Variants in NRXN3 observed in about 807,000 individuals in gnomAD.
NRXN3 encodes neurexin 3, also known as neurexin III.
NRXN3 carries 32 observed loss-of-function variants against 137.6 expected under a neutral mutation model. The observed-to-expected ratio is 0.23, with a 90% CI of 0.18 to 0.31. The LOEUF (loss-of-function observed/expected upper bound fraction) is 0.31. Ranked by LOEUF, NRXN3 falls within the 10% of genes least tolerant of loss-of-function variation. The probability of loss-of-function intolerance (pLI) is 1.00; values close to 1 mark genes in which losing one functional copy is unlikely to be tolerated. For missense variants in NRXN3, 1,574 were observed against 2,062.5 expected, an observed-to-expected ratio of 0.76 and a Z score of 4.59; for synonymous variants, 798 against 784.5, an observed-to-expected ratio of 1.02 and a Z score of -0.29.
chr14:79,240,144 T>G (rs963586788), intron 15 of NRXN3, among the ~76,000 whole-genome samples: 28 of 152,204 alleles, frequency 1.8e-4, no homozygotes, highest in Non-Finnish European at 1.5e-4. Context: ...AACATCACTG[T>G]GTACCATACA....
chr14:78,869,605 C>G (rs1476066164), intron 10 of NRXN3, among the ~76,000 whole-genome samples: 1 of 152,090 alleles, frequency 6.6e-6, no homozygotes, highest in Non-Finnish European at 1.5e-5. Flanking sequence ...TGCCTCCATA[C>G]CTTTTCCTCT....
intron 19 of NRXN3, among the ~76,000 whole-genome samples, chr14:79,716,937 CTTAGCTTATTTCAGTTCT>C (rs1320752624): frequency 6.6e-6 from 1 of 152,198 alleles, no homozygotes. Context: ...TGCCTCCAAA[CTTAGCTTATTTCAGTTCT>C]TTGCCCAGAT....
chr14:79,850,244 T>G (rs982613177), intron 20 of NRXN3, among the ~76,000 whole-genome samples: 3 of 152,198 alleles, frequency 2.0e-5, no homozygotes, highest in Non-Finnish European at 4.4e-5. Context: ...GCACGAAGAC[T>G]GTTGAGATGG....
At chr14:79,280,113 T>C (rs1229521570) in intron 15 of NRXN3, 23 of 1,416,190 alleles carry the variant, frequency 1.6e-5, no homozygotes, top group Non-Finnish European at 1.8e-5. Flanking sequence ...TTTTTTTCTT[T>C]CTTTAAGTAG....
intron 10 of NRXN3, among the ~76,000 whole-genome samples, chr14:78,847,088 A>G (rs1233986306): frequency 6.6e-6 from 1 of 152,066 alleles, no homozygotes; most frequent in East Asian, 1.9e-4. Flanking sequence ...TTCTTTCAGC[A>G]CACCTTCCGT....
At chr14:79,104,438 T>C (rs2051970119) in intron 15 of NRXN3, among the ~76,000 whole-genome samples, 1 of 152,154 alleles carries the variant, frequency 6.6e-6, no homozygotes, top group Admixed American at 6.6e-5. Context: ...CACAGTGGAC[T>C]TCCAGCCCAC....
chr14:79,300,428 T>A (rs1329074434), intron 15 of NRXN3, among the ~76,000 whole-genome samples: 1 of 152,098 alleles, frequency 6.6e-6, no homozygotes, highest in African/African-American at 2.4e-5. Context: ...GCTTGGATGA[T>A]CTCACATGAG....
intron 10 of NRXN3, among the ~76,000 whole-genome samples, chr14:78,856,673 A>G (rs2099057989): frequency 6.6e-6 from 1 of 151,928 alleles, no homozygotes; most frequent in Non-Finnish European, 1.5e-5. Context: ...TGCCCTGTTG[A>G]GTGTCTTATG....
At chr14:79,548,318 T>G (rs980186506) in intron 16 of NRXN3, among the ~76,000 whole-genome samples, 1 of 152,182 alleles carries the variant, frequency 6.6e-6, no homozygotes, top group Non-Finnish European at 1.5e-5. Context: ...GTTAGTTTGC[T>G]GAGAATGATG....
At chr14:79,307,893 G>A (rs532482362) in intron 15 of NRXN3, among the ~76,000 whole-genome samples, 1 of 151,630 alleles carries the variant, frequency 6.6e-6, no homozygotes, top group South Asian at 2.1e-4. Context: ...AGTACCAGTG[G>A]CTTAAACAAC....
chr14:78,755,519 G>A lies in NRXN3; in HGVS notation c.2044+40380G>A, dbSNP rs143867982. Among the ~76,000 whole-genome samples, 677 of 152,214 alleles carry A rather than the reference G, an allele frequency of 4.4e-3. 4 individuals carry two copies. Among genetic ancestry groups the A allele is most frequent in the Middle Eastern group, 6.8e-3 (2 of 294 alleles). On this transcript the variant is annotated intron_variant, in intron 8 of 20. Coordinates refer to ENST00000335750, the MANE Select transcript of NRXN3 (RefSeq NM_001330195.2). ...ACTTTTGTAATGTCTTTTTAAAGAG[G>A]TATTATTTTACAGATAAAAAACACC...
chr14:78,523,905 T>G (rs1294623854), intron 4 of NRXN3, among the ~76,000 whole-genome samples: 1 of 150,538 alleles, frequency 6.6e-6, no homozygotes, highest in Non-Finnish European at 1.5e-5. Context: ...GTCTGCTTCC[T>G]GAACAGCTGG....
chr14:78,923,319 A>T (rs1334015476), intron 10 of NRXN3, among the ~76,000 whole-genome samples: 1 of 152,222 alleles, frequency 6.6e-6, no homozygotes, highest in Non-Finnish European at 1.5e-5. Context: ...CTTCATGTTG[A>T]ATGAGGCAGT....
At chr14:78,250,756 C>T (rs1163690174) in intron 2 of NRXN3, among the ~76,000 whole-genome samples, 1 of 152,190 alleles carries the variant, frequency 6.6e-6, no homozygotes, top group Admixed American at 6.5e-5. Flanking sequence ...TCTCTAGGAC[C>T]TGAGAGCCCA....
rs1331009554 is a variant in NRXN3, at chr14:78,372,110, C to CT, written c.757+74259dup. On this transcript the variant is annotated intron_variant, in intron 4 of 20. Coordinates refer to ENST00000335750, the MANE Select transcript of NRXN3 (RefSeq NM_001330195.2). ...AGAAAAAAGCATATTTATTTTCTTT[C>CT]TTTTTTTTTAAAACAAGGATATCCA... Among the ~76,000 whole-genome samples the CT allele has an allele frequency of 3.1e-3, 467 of 149,876 alleles. 3 individuals carry two copies. The highest frequency in any genetic ancestry group is 0.01 in the African/African-American group (414 of 40,838).
chr14:78,254,829 T>C (rs1413150796), intron 2 of NRXN3, among the ~76,000 whole-genome samples: 6 of 152,144 alleles, frequency 3.9e-5, no homozygotes, highest in South Asian at 2.1e-4. Flanking sequence ...AGTAGTATTT[T>C]TTTTCTTTTC....
intron 16 of NRXN3, among the ~76,000 whole-genome samples, chr14:79,655,634 C>T (rs1027776732): frequency 2.6e-5 from 4 of 152,022 alleles, no homozygotes; most frequent in African/African-American, 7.2e-5. Flanking sequence ...TGAAGTTTTG[C>T]ACTCCCTGGT....
chr14:78,236,394 T>G (rs1438471008), intron 1 of NRXN3, among the ~76,000 whole-genome samples: 1 of 152,242 alleles, frequency 6.6e-6, no homozygotes, highest in Admixed American at 6.5e-5. Context: ...TCATCCACGC[T>G]TCTGTCGAGA....
chr14:78,767,580 C>T (rs1481845368), intron 8 of NRXN3, among the ~76,000 whole-genome samples: 1 of 152,168 alleles, frequency 6.6e-6, no homozygotes, highest in African/African-American at 2.4e-5. Context: ...CTAATTGTTA[C>T]AGTGAAATTA....
Sources: allele counts gnomAD v4.1 joint callset (sites outside exome capture counted in the v4.1 genomes callset), GRCh38; gene constraint gnomAD v4.1.1; transcripts MANE v1.5; gene names NCBI Gene and HGNC (gene_info 2026-07-23, HGNC 2026-07-21).